ARHGAP15: variants seen among roughly 807,000 people sequenced by gnomAD.
The protein encoded by ARHGAP15 is Rho GTPase activating protein 15.
Under a neutral mutation model 63.7 loss-of-function variants are expected in ARHGAP15, and 51 were observed. The ratio of observed to expected loss-of-function variants is 0.80; its 90% CI spans 0.64 to 1.01. The LOEUF is 1.01. ARHGAP15 is among the 50% of genes least tolerant of loss of function. The pLI is 0.00. For missense variants in ARHGAP15, 560 were observed against 564.6 expected (o/e 0.99, Z 0.08); for synonymous variants, 191 against 193.8 (o/e 0.99, Z 0.12).
At chr2:143,416,043 G>A (rs940682297) in intron 6 of ARHGAP15, among the ~76,000 whole-genome samples, 1 of 151,702 alleles carries the variant, frequency 6.6e-6, no homozygotes, top group African/African-American at 2.4e-5. Context: ...CCTGGGTGAT[G>A]GGTACACCAA....
rs187694413 is a variant in ARHGAP15 at position 143,371,825 on chromosome 2, G to T, written c.475-63776G>T. ...AGACTTCATTGAGTTTTCAGTTTGTGCATTCCATTATCATGAATGTACTGA... is the reference window on the plus strand; with the variant it reads ...AGACTTCATTGAGTTTTCAGTTTGTTCATTCCATTATCATGAATGTACTGA... On this transcript the variant is annotated intron_variant, in intron 6 of 13. Transcript: ENST00000295095. 1.1e-3 allele frequency among the ~76,000 whole-genome samples: 167 copies of T among 152,092 alleles called. 1 individual carries two copies. The highest frequency in any genetic ancestry group is 4.0e-3 in the African/African-American group (164 of 41,498).
chr2:143,634,912 G>A (rs1680226312), intron 12 of ARHGAP15, among the ~76,000 whole-genome samples: 1 of 151,888 alleles, frequency 6.6e-6, no homozygotes, highest in South Asian at 2.1e-4. Flanking sequence ...ACCTGAGCTT[G>A]CCTTGCTTCT....
intron 12 of ARHGAP15, chr2:143,676,608 G>A (rs1559120446): frequency 1.3e-5 from 2 of 152,174 alleles, no homozygotes; most frequent in Non-Finnish European, 2.9e-5. Context: ...ACAAGAGAAT[G>A]ACCCATTAGT....
chr2:143,281,196 G>T (rs1681830886), intron 6 of ARHGAP15, among the ~76,000 whole-genome samples: 1 of 152,094 alleles, frequency 6.6e-6, no homozygotes. Context: ...GCTTCATGTT[G>T]ACTACTCTGC....
chr2:143,481,854 A>T (rs918187462), intron 8 of ARHGAP15, among the ~76,000 whole-genome samples: 1 of 152,180 alleles, frequency 6.6e-6, no homozygotes, highest in African/African-American at 2.4e-5. Flanking sequence ...AAAGCCCAGA[A>T]TTCTAACTCC....
chr2:143,677,093 T>C (rs1231777967), intron 12 of ARHGAP15, among the ~76,000 whole-genome samples: 1 of 152,258 alleles, frequency 6.6e-6, no homozygotes, highest in Non-Finnish European at 1.5e-5. Context: ...GTTTTGATCA[T>C]ACATGGTTCC....
chr2:143,551,087 C>T (rs1695542163), intron 10 of ARHGAP15, among the ~76,000 whole-genome samples: 1 of 152,106 alleles, frequency 6.6e-6, no homozygotes, highest in African/African-American at 2.4e-5. Context: ...TCAATAAATA[C>T]CATTCAAAGT....
chr2:143,265,448 A>C (rs942595225), intron 6 of ARHGAP15, among the ~76,000 whole-genome samples: 1 of 152,166 alleles, frequency 6.6e-6, no homozygotes, highest in African/African-American at 2.4e-5. Context: ...GGAAAAGCTC[A>C]AAAATTACCT....
chr2:143,133,711 A>C (rs908773263), intron 1 of ARHGAP15, among the ~76,000 whole-genome samples: 4 of 152,174 alleles, frequency 2.6e-5, no homozygotes, highest in African/African-American at 9.7e-5. Context: ...ATAAAACCAA[A>C]ACACAATGTT....
At position 143,345,025 on chromosome 2, in the gene ARHGAP15, C is replaced by A. The variant is rs10496946; in HGVS notation, c.475-90576C>A. 5.8e-4 allele frequency among the ~76,000 whole-genome samples: 88 copies of A among 152,112 alleles called. 1 individual carries two copies. Among genetic ancestry groups the A allele is most frequent in the Admixed American group, 5.0e-3 (77 of 15,264 alleles). On this transcript the variant is annotated intron_variant, in intron 6 of 13. Coordinates refer to ENST00000295095, the MANE Select transcript of ARHGAP15 (RefSeq NM_018460.4). ...CTTACTTCAACAAGGTGTGATTCAACAATAACATCAACAAATCACACCAGC... is the reference window on the plus strand; with the variant it reads ...CTTACTTCAACAAGGTGTGATTCAAAAATAACATCAACAAATCACACCAGC...
intron 6 of ARHGAP15, among the ~76,000 whole-genome samples, chr2:143,254,066 T>G (rs1458088743): frequency 1.3e-5 from 2 of 152,176 alleles, no homozygotes; most frequent in Non-Finnish European, 2.9e-5. Context: ...CACTAGGTCT[T>G]CATCAGGGAT....
At chr2:143,661,966 A>C (rs990958275) in intron 12 of ARHGAP15, among the ~76,000 whole-genome samples, 1 of 152,172 alleles carries the variant, frequency 6.6e-6, no homozygotes, top group African/African-American at 2.4e-5. Context: ...CTGAGACCAA[A>C]CTGCAAGGCG....
chr2:143,522,512 AATT>A (rs1413650576), intron 10 of ARHGAP15, among the ~76,000 whole-genome samples: 1 of 152,108 alleles, frequency 6.6e-6, no homozygotes, highest in Non-Finnish European at 1.5e-5. Context: ...GCTAATTCTT[AATT>A]CATATCCTGG....
chr2:143,563,282 T>G (rs1696098853), intron 11 of ARHGAP15, among the ~76,000 whole-genome samples: 1 of 152,246 alleles, frequency 6.6e-6, no homozygotes, highest in African/African-American at 2.4e-5. Context: ...ATCAAATCAC[T>G]ATTGCATTTT....
At chr2:143,418,894 G>A (rs555069806) in intron 6 of ARHGAP15, among the ~76,000 whole-genome samples, 182 of 152,268 alleles carry the variant, frequency 1.2e-3, no homozygotes, top group African/African-American at 4.0e-3. Flanking sequence ...CTGACTTCTT[G>A]TATCGAAGAT....
At chr2:143,452,003 CTT>C (rs1558981037) in intron 8 of ARHGAP15, among the ~76,000 whole-genome samples, 1 of 151,952 alleles carries the variant, frequency 6.6e-6, no homozygotes, top group Non-Finnish European at 1.5e-5. Flanking sequence ...ACTTGTTAAA[CTT>C]TTTTAATAGG....
At position 143,707,173 on chromosome 2, in the gene ARHGAP15, G is replaced by A. The variant is rs117088595; in HGVS notation, c.1244+3649G>A. Among the ~76,000 whole-genome samples the A allele has an allele frequency of 2.0e-5, 3 of 152,308 alleles. No homozygotes were observed. In the South Asian group the frequency reaches 6.2e-4, roughly 32 times the overall value. On this transcript the variant is annotated intron_variant, in intron 13 of 13. Transcript: ENST00000295095. ...GAGTATAGGATGAAAGAGGTAGAAA[G>A]AGGAGAGAACCCAGGAGGTCCCAGG...
intron 4 of ARHGAP15, among the ~76,000 whole-genome samples, chr2:143,227,027 C>T (rs1693237397): frequency 6.6e-6 from 1 of 151,910 alleles, no homozygotes; most frequent in Non-Finnish European, 1.5e-5. Flanking sequence ...TTTCCATAAA[C>T]TTAAAAAAAA....
At chr2:143,595,366 T>C (rs1291857837) in intron 11 of ARHGAP15, among the ~76,000 whole-genome samples, 1 of 152,100 alleles carries the variant, frequency 6.6e-6, no homozygotes, top group Non-Finnish European at 1.5e-5. Flanking sequence ...CCAAAATGCA[T>C]TATACTAAAT....
Sources: gnomAD v4.1 joint callset for allele counts (sites outside exome capture counted in the v4.1 genomes callset) on GRCh38, gnomAD v4.1.1 for gene constraint, MANE v1.5 for transcripts, NCBI Gene and HGNC (gene_info 2026-07-23, HGNC 2026-07-21) for gene names.